NELFB: variants seen among roughly 807,000 people sequenced by gnomAD.
The protein encoded by NELFB is negative elongation factor complex member B.
NELFB carries 34 observed loss-of-function variants against 60.2 expected under a neutral mutation model. That is an observed-to-expected ratio of 0.56 (90% CI 0.43 to 0.75). The LOEUF is 0.75. Among genes scored for constraint, NELFB ranks in the 30% least tolerant of loss-of-function variants. The probability of loss-of-function intolerance (pLI) is 0.00; values close to 1 mark genes in which losing one functional copy is unlikely to be tolerated. For synonymous variants in NELFB, 459 were observed against 382.1 expected (o/e 1.20, Z -2.35); for missense variants, 770 against 831.6 (o/e 0.93, Z 0.91).
At chr9:137,266,084 T>C in intron 7 of NELFB, 105 bp downstream of exon 7, 1 of 922,370 alleles carries the variant, frequency 1.1e-6, no homozygotes, top group Admixed American at 2.1e-5. Context: ...AGGCAGCTGT[T>C]GGGGCCCTGT....
chr9:137,271,930 C>A, intron 10 of NELFB, 151 bp from the exon 11 acceptor site: 1 of 946,534 alleles, frequency 1.1e-6, no homozygotes, highest in Non-Finnish European at 1.5e-6. Context: ...CCCCTCTTCA[C>A]CTGCTGAGAC....
At chr9:137,264,167 T>G in intron 5 of NELFB, 78 bp from the exon 6 acceptor site, 23 of 1,101,442 alleles carry the variant, frequency 2.1e-5, no homozygotes, top group Non-Finnish European at 2.9e-5. Context: ...GGCCAGGGCC[T>G]GGAGCTGTGT....
chr9:137,262,813 G>C (rs1440581385), intron 4 of NELFB, among the ~76,000 whole-genome samples: 1 of 152,166 alleles, frequency 6.6e-6, no homozygotes, highest in Non-Finnish European at 1.5e-5. Context: ...CTGGGCAACA[G>C]AGCAAGGCCT....
intron 10 of NELFB, among the ~76,000 whole-genome samples, chr9:137,271,010 A>G (rs1237734147): frequency 2.0e-5 from 3 of 152,264 alleles, no homozygotes; most frequent in Non-Finnish European, 2.9e-5. Context: ...ACTGCCTGAC[A>G]GTGGCTGCGC....
At chr9:137,257,123 C>T in intron 4 of NELFB, 69 bp downstream of exon 4, 2 of 1,370,506 alleles carry the variant, frequency 1.5e-6, no homozygotes, top group Admixed American at 3.6e-5. Flanking sequence ...CTTCAGCTGC[C>T]TGGGGATCAG....
Position 137,267,331 on chromosome 9 carries a change from C to T in NELFB, c.1474C>T (p.Leu492=). 2 of 1,610,450 alleles carry T rather than the reference C, an allele frequency of 1.2e-6. No homozygotes were observed. The highest frequency in any genetic ancestry group is 1.7e-6 in the Non-Finnish European group (2 of 1,178,542). ...GAGGAACAAGAACGCGCTCCTCCGC[C>T]TGCTGCCCGGGCTGGGTAAGTCCTG... The change falls in exon 10 of 13, where the codon CTG becomes TTG. Residue 492 remains leucine (L), a synonymous_variant. Transcript: ENST00000343053.
rs952215125 is a variant in NELFB, at chr9:137,272,974, G to A, written c.*46G>A. ...GGTGCTGGGGCCATGCCGAGTCGCGGCCCTGCTCAGCCGGAAGAGGCTCCC... is the reference window on the plus strand; with the variant it reads ...GGTGCTGGGGCCATGCCGAGTCGCGACCCTGCTCAGCCGGAAGAGGCTCCC... On this transcript the variant is annotated 3_prime_UTR_variant, in exon 13 of 13. Transcript: ENST00000343053. The A allele has an allele frequency of 1.4e-6, 2 of 1,461,266 alleles. No individual in the cohort carries two copies. Among genetic ancestry groups the A allele is most frequent in the Non-Finnish European group, 1.8e-6 (2 of 1,102,752 alleles). The allele number at this position is 1,461,266 out of a possible 1,614,324, so 90.5% of individuals were successfully genotyped here. A position where few individuals can be genotyped will look rare whatever the true frequency, so the allele number is the denominator to read the frequency against.
rs1383824313 is a variant in NELFB, at chr9:137,256,870, A to T, written c.557A>T (p.Tyr186Phe). Residue 186 changes from tyrosine (Y) to phenylalanine (F), a missense_variant, in exon 4 of 13, where the codon TAT (tyrosine) becomes TTT (phenylalanine). Tyr to Phe is a conservative substitution (Grantham distance 22, BLOSUM62 3). Coordinates refer to ENST00000343053, the MANE Select transcript of NELFB (RefSeq NM_015456.5). ...CTGGTTATGGCTGACAAGGAGCTGT[A>T]TCGAGCCTGCGCCGTGGAGGTGAAG... The T allele has an allele frequency of 1.2e-6, 2 of 1,614,114 alleles. No individual in the cohort carries two copies. The highest frequency in any genetic ancestry group is 1.7e-6 in the Non-Finnish European group (2 of 1,180,058).
Position 137,267,324 on chromosome 9 carries a change from C to T in NELFB, c.1467C>T (p.Leu489=), listed in dbSNP as rs376605112. 6 of 1,611,856 alleles carry T rather than the reference C, an allele frequency of 3.7e-6. No individual in the cohort carries two copies. In the African/African-American group the frequency reaches 8.0e-5, roughly 22 times the overall value. Residue 489 remains leucine, a synonymous_variant, in exon 10 of 13, where the codon CTC becomes CTT. Coordinates refer to ENST00000343053, the MANE Select transcript of NELFB (RefSeq NM_015456.5). ...CCAAGCAGAGGAACAAGAACGCGCT[C>T]CTCCGCCTGCTGCCCGGGCTGGGTA...
At chr9:137,265,474 T>A (rs963934974) in intron 6 of NELFB, among the ~76,000 whole-genome samples, 1 of 138,338 alleles carries the variant, frequency 7.2e-6, no homozygotes, top group African/African-American at 2.6e-5. Flanking sequence ...CTGCAAGCTC[T>A]GCCTCCCGGG....
chr9:137,267,556 A>C lies in NELFB; in HGVS notation c.1489+210A>C, dbSNP rs1223045061. On this transcript the variant is annotated intron_variant, in intron 10 of 12. Coordinates refer to ENST00000343053, the MANE Select transcript of NELFB (RefSeq NM_015456.5). ...CGCCCAGGCTGGAGTGCAGTGGTGC[A>C]ACCTCAGCTCACTGCAGCCTCTGCC... is the stretch of plus-strand genomic sequence containing the variant. Among the ~76,000 whole-genome samples, 4 of 147,076 alleles carry C rather than the reference A, an allele frequency of 2.7e-5. No homozygotes were observed. The East Asian group carries it at 8.0e-4, about 29-fold the overall frequency.
At chr9:137,261,642 C>T (rs1477949194) in intron 4 of NELFB, among the ~76,000 whole-genome samples, 3 of 121,902 alleles carry the variant, frequency 2.5e-5, no homozygotes, top group Non-Finnish European at 3.5e-5. Context: ...TGGGTGACAG[C>T]GCAAGACTCC....
intron 8 of NELFB, 62 bp from the exon 9 acceptor site, chr9:137,266,877 TGTCAC>T (rs1377807758): frequency 2.0e-5 from 31 of 1,563,362 alleles, no homozygotes; most frequent in Non-Finnish European, 2.4e-5. Context: ...GCAGGGTGTG[TGTCAC>T]GTCAGGGTGG....
intron 10 of NELFB, among the ~76,000 whole-genome samples, chr9:137,270,525 G>T (rs1419089378): frequency 6.6e-6 from 1 of 152,190 alleles, no homozygotes; most frequent in African/African-American, 2.4e-5. Flanking sequence ...AGGAGGCAGA[G>T]GTTGCAGTGA....
Position 137,267,359 on chromosome 9 carries a change from G to GA in NELFB, c.1489+13_1489+14insA, listed in dbSNP as rs1830534264. The GA allele has an allele frequency of 1.3e-6, 2 of 1,592,228 alleles. No homozygotes were observed. The highest frequency in any genetic ancestry group is 1.8e-5 in the Admixed American group (1 of 56,812). On this transcript the variant is annotated intron_variant, in intron 10 of 12. Transcript: ENST00000343053. ...CTGCCCGGGCTGGGTAAGTCCTGAC[G>GA]GGCGGTGCCTGGCTGTGTCTTCCCT...
intron 6 of NELFB, 30 bp from the exon 7 acceptor site, chr9:137,265,847 C>T (rs778808172): frequency 3.2e-5 from 47 of 1,462,726 alleles, no homozygotes; most frequent in East Asian, 6.8e-5. Context: ...CAACAGGCGT[C>T]GCATTAATGC....
chr9:137,266,551 G>C lies in NELFB; in HGVS notation c.1239+125G>C, dbSNP rs1830519851. 25 of 822,958 alleles carry C rather than the reference G, an allele frequency of 3.0e-5. No homozygotes were observed. The East Asian group carries it at 6.7e-4, about 22-fold the overall frequency. The allele number at this position is 822,958 out of a possible 1,614,324, so 51.0% of individuals were successfully genotyped here. ...CTTTGGTCCCAAAGCTTCCTTCCTG[G>C]AGCTGCCCACCTTCCTTTTGGGAAA... On this transcript the variant is annotated intron_variant, in intron 8 of 12. Transcript: ENST00000343053.
intron 4 of NELFB, among the ~76,000 whole-genome samples, chr9:137,259,080 A>T (rs1021374811): frequency 6.6e-6 from 1 of 152,038 alleles, no homozygotes; most frequent in East Asian, 1.9e-4. Context: ...TGTCTCAACT[A>T]CTCAGGAGGC....
intron 1 of NELFB, 55 bp from the exon 2 acceptor site, chr9:137,255,852 C>A: frequency 1.9e-6 from 3 of 1,596,090 alleles, no homozygotes; most frequent in Non-Finnish European, 2.6e-6. Flanking sequence ...CTCTCAGGAC[C>A]TCGGGGTGCC....
Sources: allele counts gnomAD v4.1 joint callset (sites outside exome capture counted in the v4.1 genomes callset), GRCh38; gene constraint gnomAD v4.1.1; transcripts MANE v1.5; gene names NCBI Gene and HGNC (gene_info 2026-07-23, HGNC 2026-07-21).